The following RYR1 variants were observed in gnomAD, a reference collection of about 807,000 sequenced individuals.
RYR1 encodes central core disease of muscle.
Under a neutral mutation model 583.5 loss-of-function variants are expected in RYR1, and 342 were observed. The observed-to-expected ratio is 0.59, with a 90% confidence interval of 0.54 to 0.64. The LOEUF (loss-of-function observed/expected upper bound fraction) is 0.64, where lower values mean the gene tolerates loss of function less well. Among genes scored for constraint, RYR1 ranks in the 30% least tolerant of loss-of-function variants. RYR1 has a pLI of 0.00. For missense variants in RYR1, 6,032 were observed against 6,917.2 expected (o/e 0.87, Z 4.54); for synonymous variants, 2,791 against 2,822.5 (o/e 0.99, Z 0.35).
chr19:38,526,970 C>G (rs772750374), intron 71 of RYR1, 23 bp from the exon 72 acceptor site: 5 of 1,613,576 alleles, frequency 3.1e-6, no homozygotes, highest in Non-Finnish European at 3.4e-6. Flanking sequence ...CCAGAGTGAC[C>G]CAGCCTGGCT....
At chr19:38,534,613 G>A (rs1971883775) in intron 78 of RYR1, 107 bp from the exon 79 acceptor site, 1 of 908,144 alleles carries the variant, frequency 1.1e-6, no homozygotes, top group Non-Finnish European at 1.8e-6. Flanking sequence ...TTGAAGGAGT[G>A]AGTTGTGGAT....
Position 38,503,086 on chromosome 19 carries a change from AGTTAGGGCAGCGTCCCC to A in RYR1, c.7926+119_7926+135del, listed in dbSNP as rs1970272683. On this transcript the variant is annotated intron_variant, in intron 49 of 105. Transcript: ENST00000359596. Reference sequence around the variant, plus strand: ...CTGCCCAGCCCAATAAACCTGCACTAGTTAGGGCAGCGTCCCCGTAGAAATCTCTTAGCATCCTTATT... The same window carrying A: ...CTGCCCAGCCCAATAAACCTGCACTAGTAGAAATCTCTTAGCATCCTTATT... 3.2e-6 allele frequency: 3 copies of A among 936,924 alleles called. No individual in the cohort carries two copies. The Admixed American group carries it at 5.8e-5, about 18-fold the overall frequency. 58.0% of individuals were successfully genotyped at this position (936,924 alleles called of 1,614,324 possible).
At chr19:38,525,036 A>G (rs908161347) in intron 70 of RYR1, among the ~76,000 whole-genome samples, 1 of 152,170 alleles carries the variant, frequency 6.6e-6, no homozygotes, top group African/African-American at 2.4e-5. Flanking sequence ...TGAAGCCAAG[A>G]GTTCAAGTCC....
At chr19:38,548,881 C>T (rs2145792269) in intron 89 of RYR1, among the ~76,000 whole-genome samples, 1 of 152,314 alleles carries the variant, frequency 6.6e-6, no homozygotes, top group Middle Eastern at 3.4e-3. Flanking sequence ...CTCGCTCAGC[C>T]CCCTTGGGTT....
intron 2 of RYR1, 52 bp from the exon 3 acceptor site, chr19:38,442,297 C>A: frequency 8.1e-7 from 1 of 1,239,482 alleles, no homozygotes; most frequent in Non-Finnish European, 1.2e-6. Flanking sequence ...GGGAATGTTG[C>A]TGGGGTGGGG....
At chr19:38,494,729 G>C (rs185216112) in intron 39 of RYR1, 104 bp downstream of exon 39, 126 of 1,442,472 alleles carry the variant, frequency 8.7e-5, no homozygotes, top group Non-Finnish European at 8.5e-5. Flanking sequence ...CATCCTCTGG[G>C]TGATCTCAGT....
chr19:38,450,201 C>T (rs1967004602), intron 11 of RYR1, among the ~76,000 whole-genome samples: 1 of 152,084 alleles, frequency 6.6e-6, no homozygotes, highest in Non-Finnish European at 1.5e-5. Flanking sequence ...CATGATGTTA[C>T]AAATGGGAGA....
Position 38,535,219 on chromosome 19 carries a change from A to G in RYR1, c.11438A>G (p.Gln3813Arg). The change falls in exon 80 of 106, where the codon CAG becomes CGG. Residue 3813 changes from glutamine (Q) to arginine (R), a missense_variant and splice_region_variant. Physicochemically the swap from Gln to Arg is conservative, Grantham distance 43. This residue lies in a region of RYR1 where 1,493 missense variants were observed against 1,715.5 expected (regional missense o/e 0.87). Coordinates refer to ENST00000359596, the MANE Select transcript of RYR1 (RefSeq NM_000540.3). The part of the protein sequence containing the change: ...ILNGGNAEVQ[Q>R]KMLDYLKDKK... ...AATGGAGGCAATGCTGAGGTCCAGC[A>G]GGTAACAGAGGCAAAGGGACTTCAG... is the stretch of plus-strand genomic sequence containing the variant. The G allele has an allele frequency of 6.2e-7, 1 of 1,614,164 alleles. No homozygotes were observed. Among genetic ancestry groups the G allele is most frequent in the East Asian group, 2.2e-5 (1 of 44,872 alleles).
At position 38,455,451 on chromosome 19, in the gene RYR1, C is replaced by G. The variant is rs1481848039; in HGVS notation, c.1577C>G (p.Ala526Gly). Residue 526 changes from alanine (A) to glycine (G), a missense_variant and splice_region_variant, in exon 15 of 106, where the codon GCT becomes GGT. By Grantham distance (60) the Ala-to-Gly change is moderately conservative (BLOSUM62 0). Coordinates refer to ENST00000359596, the MANE Select transcript of RYR1 (RefSeq NM_000540.3). ...GATCTGACACCTCTTCCCCCCTCAG[C>G]TTCTCTAATCCGTGGCAATCGTAGC... Reference protein sequence around the residue: ...EIVNLLYELLASLIRGNRSNC... With the variant: ...EIVNLLYELLGSLIRGNRSNC... 6.2e-7 allele frequency: 1 copy of G among 1,614,178 alleles called. No individual in the cohort carries two copies. The highest frequency in any genetic ancestry group is 1.3e-5 in the African/African-American group (1 of 75,028).
intron 37 of RYR1, among the ~76,000 whole-genome samples, chr19:38,491,634 T>A (rs1030686259): frequency 6.6e-6 from 1 of 152,074 alleles, no homozygotes; most frequent in African/African-American, 2.4e-5. Flanking sequence ...TTTGCCATAT[T>A]GCCCAGGCTG....
intron 66 of RYR1, among the ~76,000 whole-genome samples, 200 bp from the exon 67 acceptor site, chr19:38,519,014 G>A (rs914080216): frequency 7.9e-5 from 12 of 152,126 alleles, no homozygotes; most frequent in Admixed American, 6.6e-5. Flanking sequence ...GGGGTCACAG[G>A]ATAGGGACTG....
At chr19:38,557,257 G>A (rs1309079207) in intron 89 of RYR1, among the ~76,000 whole-genome samples, 2 of 152,050 alleles carry the variant, frequency 1.3e-5, no homozygotes, top group African/African-American at 2.4e-5. Flanking sequence ...TGACAAATGA[G>A]TATGAGTACC....
At chr19:38,559,924 CTT>C (rs571980915) in intron 89 of RYR1, among the ~76,000 whole-genome samples, 22 of 140,514 alleles carry the variant, frequency 1.6e-4, no homozygotes, top group Non-Finnish European at 1.4e-4. Flanking sequence ...GTCATGAAAC[CTT>C]TTTTTTTTTT....
rs1357579462 is a variant in RYR1, at chr19:38,504,906, C to T, written c.8226C>T (p.Thr2742=). 51 of 1,613,954 alleles carry T rather than the reference C, an allele frequency of 3.2e-5. No homozygotes were observed. The highest frequency in any genetic ancestry group is 4.2e-5 in the Non-Finnish European group (49 of 1,180,018). The change falls in exon 51 of 106, where the codon ACC becomes ACT. Residue 2742 remains threonine (T), a synonymous_variant. Coordinates refer to ENST00000359596, the MANE Select transcript of RYR1 (RefSeq NM_000540.3). ...ACTTTGATCCCCGGCCTGTGGAGACCCTCAAGTGAGGCCTGGGGGCTGGGA... is the reference window on the plus strand; with the variant it reads ...ACTTTGATCCCCGGCCTGTGGAGACTCTCAAGTGAGGCCTGGGGGCTGGGA... ...EGNFDPRPVE[T]LNVIIPEKLD...
chr19:38,573,693 C>CAAAA (rs75549330), intron 96 of RYR1, among the ~76,000 whole-genome samples: 1 of 129,794 alleles, frequency 7.7e-6, no homozygotes, highest in Non-Finnish European at 1.7e-5. Flanking sequence ...TCCCCCCAGA[C>CAAAA]AAAAAAAAAA....
At chr19:38,447,506 A>C (rs576129906) in intron 9 of RYR1, among the ~76,000 whole-genome samples, 4 of 152,054 alleles carry the variant, frequency 2.6e-5, no homozygotes, top group Admixed American at 2.6e-4. Flanking sequence ...GCACCATTGC[A>C]TTCCAGCCTG....
Position 38,525,323 on chromosome 19 carries a change from TC to T in RYR1, c.10456-5del. The T allele has an allele frequency of 6.4e-7, 1 of 1,574,626 alleles. No individual in the cohort carries two copies. The highest frequency in any genetic ancestry group is 8.6e-7 in the Non-Finnish European group (1 of 1,158,414). ...GCTTGGGCTGGTGCTGAGCCCTGTGTCCCCACAGTCCGGTGGCTCGGACCAG... is the reference window on the plus strand; with the variant it reads ...GCTTGGGCTGGTGCTGAGCCCTGTGTCCCACAGTCCGGTGGCTCGGACCAG... On this transcript the variant is annotated splice_region_variant and splice_polypyrimidine_tract_variant and intron_variant, in intron 70 of 105. Transcript: ENST00000359596.
At chr19:38,513,830 G>A (rs1183103574) in intron 63 of RYR1, among the ~76,000 whole-genome samples, 1 of 151,882 alleles carries the variant, frequency 6.6e-6, no homozygotes, top group Non-Finnish European at 1.5e-5. Flanking sequence ...TGAACTTTTG[G>A]GTGTAAGTTG....
chr19:38,515,151 G>A (rs1970903486), intron 64 of RYR1, 44 bp downstream of exon 64: 2 of 1,283,292 alleles, frequency 1.6e-6, no homozygotes, highest in Admixed American at 1.7e-5. Flanking sequence ...GGGGCTGGAG[G>A]GGAAGGGAGG....
Sources: gnomAD v4.1 joint callset for allele counts (sites outside exome capture counted in the v4.1 genomes callset) on GRCh38, gnomAD v4.1.1 for gene constraint, gnomAD v4.1.1 regional missense constraint, MANE v1.5 for transcripts, NCBI Gene and HGNC (gene_info 2026-07-23, HGNC 2026-07-21) for gene names.